The following COL5A2 variants were observed in gnomAD, a reference collection of about 807,000 sequenced individuals.
The protein encoded by COL5A2 is collagen alpha-2(V) chain.
A neutral mutation model predicts 208.2 loss-of-function variants in COL5A2; 23 were observed. The observed-to-expected ratio is 0.11, with a 90% CI of 0.08 to 0.16. The LOEUF (loss-of-function observed/expected upper bound fraction) is 0.16. Ranked by LOEUF, COL5A2 falls within the 10% of genes least tolerant of loss-of-function variation. The pLI is 1.00. For synonymous variants in COL5A2, 625 were observed against 628.5 expected (o/e 0.99, Z 0.08); for missense variants, 1,590 against 1,956.4 (o/e 0.81, Z 3.53).
chr2:189,407,652 A>G, the COL5A2 span, among the ~76,000 whole-genome samples: 1 of 152,114 alleles, frequency 6.6e-6, no homozygotes, highest in Admixed American at 6.5e-5. Flanking sequence ...GGCTGATTCC[A>G]TCTCCAGGTC....
rs140183791 is a variant in COL5A2 at position 189,087,498 on chromosome 2, C to T, written c.646-728G>A. ...ATTTTTTTTTAGACGGAGTCTCCCT[C>T]TGTCACCCAGGCTGGAGTGCAGTGG... On this transcript the variant is annotated intron_variant, in intron 8 of 53. Transcript: ENST00000374866. Among the ~76,000 whole-genome samples the T allele has an allele frequency of 7.1e-3, 1,078 of 152,090 alleles. 12 individuals are homozygous for T. Among genetic ancestry groups the T allele is most frequent in the African/African-American group, 0.024 (994 of 41,530 alleles).
At chr2:189,054,235 C>T in intron 35 of COL5A2, 23 bp from the exon 36 acceptor site, 1 of 1,566,618 alleles carries the variant, frequency 6.4e-7, no homozygotes, top group Non-Finnish European at 8.8e-7. Flanking sequence ...AGAACATAGG[C>T]ATATTGAGGT....
chr2:189,098,899 T>G (rs986612009), intron 4 of COL5A2, 140 bp from the exon 5 acceptor site: 5 of 659,048 alleles, frequency 7.6e-6, no homozygotes, highest in Admixed American at 2.1e-5. Context: ...GACCATTTCC[T>G]CCTCTCCTTA....
chr2:189,167,119 G>T (rs898123885), intron 1 of COL5A2, among the ~76,000 whole-genome samples: 6 of 152,088 alleles, frequency 3.9e-5, no homozygotes, highest in African/African-American at 1.2e-4. Context: ...AAATAAGCCA[G>T]GTATTCAAAA....
chr2:189,118,675 C>T (rs1016077769), intron 1 of COL5A2, among the ~76,000 whole-genome samples: 16 of 152,034 alleles, frequency 1.1e-4, no homozygotes, highest in South Asian at 2.1e-4. Flanking sequence ...TGCATTATTC[C>T]CTCTGGAGCT....
chr2:189,066,898 T>A (rs1373325017), intron 21 of COL5A2, 116 bp from the exon 22 acceptor site: 1 of 788,154 alleles, frequency 1.3e-6, no homozygotes, highest in Non-Finnish European at 2.3e-6. Context: ...CGGTTTTGCA[T>A]CAGTAGTATA....
intron 8 of COL5A2, 102 bp downstream of exon 8, chr2:189,088,593 A>C (rs1013072113): frequency 1.2e-6 from 1 of 860,624 alleles, no homozygotes; most frequent in African/African-American, 1.7e-5. Flanking sequence ...GACTGTGTTT[A>C]AGAAGATGCA....
the COL5A2 span, among the ~76,000 whole-genome samples, chr2:189,298,210 T>C: frequency 6.6e-6 from 1 of 152,172 alleles, no homozygotes; most frequent in African/African-American, 2.4e-5. Flanking sequence ...GCCTTTTTGT[T>C]TGACTGGCTG....
At chr2:189,434,216 G>C in the COL5A2 span, among the ~76,000 whole-genome samples, 147 of 152,156 alleles carry the variant, frequency 9.7e-4, no homozygotes, top group Middle Eastern at 6.8e-3. Flanking sequence ...AACCCACAGC[G>C]AATATCATAC....
At chr2:189,221,727 A>C (rs1559149394) in intron 1 of COL5A2, among the ~76,000 whole-genome samples, 1 of 152,256 alleles carries the variant, frequency 6.6e-6, no homozygotes, top group Non-Finnish European at 1.5e-5. Context: ...AAGATTTCTT[A>C]TTCTAATAGA....
intron 41 of COL5A2, 150 bp from the exon 42 acceptor site, chr2:189,051,631 A>G: frequency 1.7e-6 from 1 of 588,862 alleles, no homozygotes; most frequent in Non-Finnish European, 2.7e-6. Flanking sequence ...TAGGATTTAA[A>G]CAAAACAAAA....
chr2:189,052,128 T>C (rs1576494981), intron 41 of COL5A2, 44 bp downstream of exon 41: 2 of 1,517,878 alleles, frequency 1.3e-6, no homozygotes, highest in Non-Finnish European at 1.8e-6. Context: ...CGTGTGTGTG[T>C]AATTATTTCA....
chr2:189,312,466 C>T, the COL5A2 span, among the ~76,000 whole-genome samples: 5 of 152,146 alleles, frequency 3.3e-5, no homozygotes, highest in African/African-American at 7.2e-5. Flanking sequence ...GGCCGGGCGC[C>T]GTAGCTGGGC....
the COL5A2 span, among the ~76,000 whole-genome samples, chr2:189,230,988 T>C: frequency 6.6e-6 from 1 of 151,938 alleles, no homozygotes; most frequent in East Asian, 1.9e-4. Flanking sequence ...GGAATATTAT[T>C]CAGCCACTTA....
At chr2:189,244,910 C>T in the COL5A2 span, among the ~76,000 whole-genome samples, 1 of 152,180 alleles carries the variant, frequency 6.6e-6, no homozygotes, top group African/African-American at 2.4e-5. Context: ...CTGGAGAGGC[C>T]TCACAATCAT....
intron 5 of COL5A2, among the ~76,000 whole-genome samples, chr2:189,098,041 C>CCCCCG (rs1189838778): frequency 7.9e-5 from 12 of 152,028 alleles, no homozygotes; most frequent in Non-Finnish European, 1.5e-4. Flanking sequence ...TTTTTCCCCC[C>CCCCCG]CTGGGAAATG....
chr2:189,067,834 T>C (rs1559088125), intron 21 of COL5A2, among the ~76,000 whole-genome samples, 181 bp downstream of exon 21: 1 of 152,210 alleles, frequency 6.6e-6, no homozygotes, highest in Non-Finnish European at 1.5e-5. Context: ...ATGTTCCACT[T>C]AGAATTTAAA....
chr2:189,129,494 T>C (rs1004281432), intron 1 of COL5A2, among the ~76,000 whole-genome samples: 2 of 152,094 alleles, frequency 1.3e-5, no homozygotes, highest in South Asian at 2.1e-4. Flanking sequence ...GAAAATGGTG[T>C]AAATAAAATA....
upstream of COL5A2, among the ~76,000 whole-genome samples, chr2:189,229,314 A>G (rs1038366611): frequency 6.6e-6 from 1 of 151,854 alleles, no homozygotes; most frequent in East Asian, 1.9e-4. Context: ...CAGAGAAATT[A>G]AGCAAGAAAA....
Sources: allele counts gnomAD v4.1 joint callset (sites outside exome capture counted in the v4.1 genomes callset), GRCh38; gene constraint gnomAD v4.1.1; transcripts MANE v1.5; gene names NCBI Gene and HGNC (gene_info 2026-07-23, HGNC 2026-07-21).